The following SLC2A13 variants were observed in gnomAD, a reference collection of about 807,000 sequenced individuals.
SLC2A13 encodes the protein solute carrier family 2 member 13, also known as proton myo-inositol cotransporter.
A neutral mutation model predicts 64.4 loss-of-function variants in SLC2A13; 32 were observed. That is an observed-to-expected ratio of 0.50 (90% confidence interval 0.37 to 0.67). The LOEUF (loss-of-function observed/expected upper bound fraction) is 0.67. Ranked by LOEUF, SLC2A13 falls within the 30% of genes least tolerant of loss-of-function variation. The pLI is 0.00. For missense variants in SLC2A13, 743 were observed against 829.2 expected (o/e 0.90, Z 1.28); for synonymous variants, 338 against 327.1 (o/e 1.03, Z -0.36).
chr12:39,969,993 G>A (rs902507761), intron 3 of SLC2A13, among the ~76,000 whole-genome samples: 1 of 152,200 alleles, frequency 6.6e-6, no homozygotes, highest in Non-Finnish European at 1.5e-5. Context: ...GTAAGGAAGG[G>A]ATCCAGTTTC....
chr12:39,880,533 C>T (rs1944313887), intron 4 of SLC2A13, among the ~76,000 whole-genome samples: 3 of 152,044 alleles, frequency 2.0e-5, no homozygotes, highest in Admixed American at 2.0e-4. Flanking sequence ...ATCATACTAC[C>T]ATTAAATCAA....
At chr12:40,036,777 T>A (rs1346784300) in intron 2 of SLC2A13, among the ~76,000 whole-genome samples, 2 of 152,188 alleles carry the variant, frequency 1.3e-5, no homozygotes, top group Admixed American at 6.5e-5. Flanking sequence ...CCATAAAAAA[T>A]TTAGAATCAA....
chr12:40,031,473 G>C (rs1479761037), intron 2 of SLC2A13, among the ~76,000 whole-genome samples: 1 of 152,130 alleles, frequency 6.6e-6, no homozygotes, highest in Non-Finnish European at 1.5e-5. Context: ...CGCCCACCTT[G>C]GCCTCCCAAA....
intron 4 of SLC2A13, among the ~76,000 whole-genome samples, chr12:39,919,271 T>A (rs1234898279): frequency 6.6e-6 from 1 of 152,134 alleles, no homozygotes; most frequent in African/African-American, 2.4e-5. Flanking sequence ...ACTGTATATG[T>A]GGTAAACATT....
rs1388687389 is a variant in SLC2A13, at chr12:40,105,863, C to G, written c.-55G>C. The stretch of plus-strand genomic sequence containing the variant: ...ACGCGGCTCCGCGGGCCGGCAGTCT[C>G]GGCGAGCTAGACAGCCCGAGCCGGC... On this transcript the variant is annotated 5_prime_UTR_variant, in exon 1 of 10. Transcript: ENST00000280871. The surrounding 1 kb of genome is among the most constrained non-coding windows in gnomAD (Gnocchi z 4.2). The G allele has an allele frequency of 1.5e-6, 2 of 1,336,104 alleles. No homozygotes were observed. Among genetic ancestry groups the G allele is most frequent in the African/African-American group, 3.1e-5 (2 of 65,072 alleles). The allele number at this position is 1,336,104 out of a possible 1,614,324, so 82.8% of individuals were successfully genotyped here.
intron 1 of SLC2A13, among the ~76,000 whole-genome samples, chr12:40,068,759 C>T (rs1165514931): frequency 1.3e-5 from 2 of 148,962 alleles, no homozygotes; most frequent in East Asian, 1.9e-4. Context: ...AAATAACATA[C>T]TCTACAAAAA....
chr12:39,978,491 C>T (rs1030382183), intron 3 of SLC2A13, among the ~76,000 whole-genome samples: 42 of 152,168 alleles, frequency 2.8e-4, no homozygotes, highest in Non-Finnish European at 4.3e-4. Flanking sequence ...CGAAGCAGGG[C>T]GAGGCATTGC....
At chr12:40,007,376 A>G (rs1244469001) in intron 3 of SLC2A13, among the ~76,000 whole-genome samples, 2 of 152,214 alleles carry the variant, frequency 1.3e-5, no homozygotes, top group Non-Finnish European at 2.9e-5. Context: ...GTTCAAGAAT[A>G]GTATAAATAT....
intron 4 of SLC2A13, among the ~76,000 whole-genome samples, chr12:39,914,801 C>T (rs533625247): frequency 3.7e-4 from 56 of 151,844 alleles, no homozygotes; most frequent in Admixed American, 2.4e-3. Context: ...AGAAAAACAT[C>T]GGAAAAATTT....
At chr12:39,878,326 C>T (rs998612220) in intron 4 of SLC2A13, among the ~76,000 whole-genome samples, 1 of 152,112 alleles carries the variant, frequency 6.6e-6, no homozygotes, top group African/African-American at 2.4e-5. Context: ...GCTCAGAAGA[C>T]AGGAAGATCA....
intron 1 of SLC2A13, among the ~76,000 whole-genome samples, chr12:40,059,492 T>A (rs768714911): frequency 3.3e-5 from 5 of 152,200 alleles, no homozygotes; most frequent in Non-Finnish European, 5.9e-5. Flanking sequence ...TTAGGTTTGA[T>A]TTCTTTGCTA....
rs11564197 is a variant in SLC2A13 at position 40,046,701 on chromosome 12, G to A, written c.716+1350C>T. ...AGCAACATCTGCAGACACAACAACC[G>A]TTTTTAAAAACTGTGTCCTCCCCTT... On this transcript the variant is annotated intron_variant, in intron 2 of 9. Transcript: ENST00000280871. 4.0e-5 allele frequency among the ~76,000 whole-genome samples: 6 copies of A among 151,094 alleles called. No individual in the cohort carries two copies. In the East Asian group the frequency reaches 7.7e-4, roughly 19 times the overall value.
chr12:39,792,377 G>C (rs908700869), intron 7 of SLC2A13, among the ~76,000 whole-genome samples: 5 of 151,868 alleles, frequency 3.3e-5, no homozygotes, highest in Non-Finnish European at 5.9e-5. Flanking sequence ...TGACAAATGG[G>C]ATCTAATTAA....
intron 5 of SLC2A13, among the ~76,000 whole-genome samples, chr12:39,868,682 C>A (rs922207594): frequency 6.6e-6 from 1 of 152,254 alleles, no homozygotes; most frequent in African/African-American, 2.4e-5. Context: ...CTTTCTGATT[C>A]ATTACCAATA....
At chr12:39,915,384 G>A (rs1392123196) in intron 4 of SLC2A13, among the ~76,000 whole-genome samples, 2 of 151,944 alleles carry the variant, frequency 1.3e-5, no homozygotes, top group African/African-American at 4.8e-5. Flanking sequence ...GCAATGTCAA[G>A]AGCACGGTTT....
chr12:40,031,138 G>A (rs190407083), intron 2 of SLC2A13, among the ~76,000 whole-genome samples: 1 of 152,266 alleles, frequency 6.6e-6, no homozygotes, highest in African/African-American at 2.4e-5. Flanking sequence ...ATATGACAGA[G>A]AGGACACAGG....
chr12:39,975,498 C>G (rs545504333), intron 3 of SLC2A13, among the ~76,000 whole-genome samples: 1 of 152,270 alleles, frequency 6.6e-6, no homozygotes, highest in South Asian at 2.1e-4. Flanking sequence ...ATTTGTGCCA[C>G]TAAAAGGTAG....
At chr12:39,895,572 A>C (rs1944747322) in intron 4 of SLC2A13, among the ~76,000 whole-genome samples, 1 of 143,102 alleles carries the variant, frequency 7.0e-6, no homozygotes, top group East Asian at 2.0e-4. Context: ...ACACACGTGT[A>C]TATGTATATG....
At chr12:39,878,507 G>C (rs1045427035) in intron 4 of SLC2A13, among the ~76,000 whole-genome samples, 1 of 152,224 alleles carries the variant, frequency 6.6e-6, no homozygotes, top group African/African-American at 2.4e-5. Context: ...CTTGGCTGCT[G>C]TCTGTTCATG....
Sources: allele counts gnomAD v4.1 joint callset (sites outside exome capture counted in the v4.1 genomes callset), GRCh38; gene constraint gnomAD v4.1.1; non-coding constraint Gnocchi (gnomAD v3.1); transcripts MANE v1.5; gene names NCBI Gene and HGNC (gene_info 2026-07-23, HGNC 2026-07-21).